AGMO: variants seen among roughly 807,000 people sequenced by gnomAD.
AGMO encodes the protein glyceryl-ether monooxygenase.
A neutral mutation model predicts 60.2 loss-of-function variants in AGMO; 75 were observed. That is an observed-to-expected ratio of 1.25 (90% CI 1.03 to 1.51). The LOEUF (loss-of-function observed/expected upper bound fraction) is 1.51. Among genes scored for constraint, AGMO ranks in the 40% most tolerant of loss-of-function variants. The probability of loss-of-function intolerance (pLI) is 0.00; values close to 1 mark genes in which losing one functional copy is unlikely to be tolerated. For missense variants in AGMO, 763 were observed against 525.5 expected (o/e 1.45, Z -4.42); for synonymous variants, 261 against 177.1 (o/e 1.47, Z -3.76).
chr7:15,277,176 T>C (rs1783822002), intron 12 of AGMO, among the ~76,000 whole-genome samples: 1 of 151,890 alleles, frequency 6.6e-6, no homozygotes, highest in Non-Finnish European at 1.5e-5. Flanking sequence ...GGCATGGTGG[T>C]GGGTGCCTGT....
intron 3 of AGMO, among the ~76,000 whole-genome samples, chr7:15,542,282 G>C (rs1304706563): frequency 6.6e-6 from 1 of 152,134 alleles, no homozygotes; most frequent in Non-Finnish European, 1.5e-5. Flanking sequence ...TGAAGGTTGT[G>C]AATGTTTTTC....
At chr7:15,405,387 G>A (rs997568751) in intron 5 of AGMO, among the ~76,000 whole-genome samples, 3 of 151,812 alleles carry the variant, frequency 2.0e-5, no homozygotes, top group African/African-American at 7.2e-5. Context: ...TGTTCATGAT[G>A]CTCAAAATTT....
chr7:15,552,046 C>G (rs1359385311), intron 2 of AGMO, among the ~76,000 whole-genome samples: 1 of 151,894 alleles, frequency 6.6e-6, no homozygotes, highest in Non-Finnish European at 1.5e-5. Flanking sequence ...CTTTGACAAA[C>G]CTGAGAAAAA....
At chr7:15,454,362 C>CAA (rs1262642339) in intron 3 of AGMO, among the ~76,000 whole-genome samples, 2 of 121,852 alleles carry the variant, frequency 1.6e-5, no homozygotes, top group Non-Finnish European at 3.5e-5. Flanking sequence ...TCTCACCACA[C>CAA]ACACACACAC....
the AGMO span, among the ~76,000 whole-genome samples, chr7:15,123,439 C>A: frequency 6.6e-6 from 1 of 151,734 alleles, no homozygotes; most frequent in African/African-American, 2.4e-5. Flanking sequence ...ATAGAGAAGG[C>A]CCTCAATAAT....
chr7:15,324,889 T>C (rs755900402), intron 12 of AGMO, among the ~76,000 whole-genome samples: 1 of 152,088 alleles, frequency 6.6e-6, no homozygotes, highest in African/African-American at 2.4e-5. Context: ...CCTCCTGCTG[T>C]GTGGTCCGGT....
At chr7:15,413,705 A>G (rs1780677900) in intron 5 of AGMO, among the ~76,000 whole-genome samples, 1 of 152,186 alleles carries the variant, frequency 6.6e-6, no homozygotes, top group South Asian at 2.1e-4. Flanking sequence ...AATATCCATT[A>G]AGAATTTCAT....
At chr7:15,253,473 G>A (rs1459499493) in intron 12 of AGMO, among the ~76,000 whole-genome samples, 5 of 152,114 alleles carry the variant, frequency 3.3e-5, no homozygotes, top group African/African-American at 9.7e-5. Context: ...GGGAAGAAGA[G>A]AATGATTTCT....
At chr7:15,430,475 C>T (rs1253379075) in intron 4 of AGMO, among the ~76,000 whole-genome samples, 1 of 151,470 alleles carries the variant, frequency 6.6e-6, no homozygotes, top group Non-Finnish European at 1.5e-5. Flanking sequence ...TTCTGGTATT[C>T]ATTAATCTTG....
At chr7:15,129,239 G>A in the AGMO span, among the ~76,000 whole-genome samples, 4 of 142,318 alleles carry the variant, frequency 2.8e-5, no homozygotes, top group East Asian at 9.1e-4. Flanking sequence ...TTCCAGGGCT[G>A]GTTGCTACAG....
intron 12 of AGMO, among the ~76,000 whole-genome samples, chr7:15,334,793 G>C (rs529706640): frequency 6.6e-6 from 1 of 152,108 alleles, no homozygotes; most frequent in Non-Finnish European, 1.5e-5. Flanking sequence ...CATCATTAAA[G>C]CTGAATTACA....
the AGMO span, among the ~76,000 whole-genome samples, chr7:15,134,663 A>G: frequency 2.1e-4 from 32 of 152,280 alleles, no homozygotes; most frequent in African/African-American, 7.7e-4. Context: ...GTAGTATCCC[A>G]TGGTTATATG....
At chr7:15,228,328 T>C (rs761761928) in intron 12 of AGMO, among the ~76,000 whole-genome samples, 10 of 152,182 alleles carry the variant, frequency 6.6e-5, no homozygotes, top group Admixed American at 1.3e-4. Context: ...ACATAGGGCA[T>C]AGAACATCTA....
At chr7:15,207,536 C>A (rs576575816) in intron 12 of AGMO, among the ~76,000 whole-genome samples, 1 of 152,164 alleles carries the variant, frequency 6.6e-6, no homozygotes, top group Non-Finnish European at 1.5e-5. Flanking sequence ...TATTTTGATA[C>A]ACATACTCTT....
chr7:15,295,330 A>C (rs974141001), intron 12 of AGMO, among the ~76,000 whole-genome samples: 1 of 152,070 alleles, frequency 6.6e-6, no homozygotes, highest in Non-Finnish European at 1.5e-5. Flanking sequence ...ACAAACTATA[A>C]GGTAAGCAAA....
At chr7:15,267,404 T>G (rs187888063) in intron 12 of AGMO, among the ~76,000 whole-genome samples, 1 of 152,106 alleles carries the variant, frequency 6.6e-6, no homozygotes, top group African/African-American at 2.4e-5. Flanking sequence ...AAAAGTGAGC[T>G]TCTCAAATGA....
chr7:15,422,483 A>T (rs1406455694), intron 4 of AGMO, among the ~76,000 whole-genome samples: 1 of 152,158 alleles, frequency 6.6e-6, no homozygotes, highest in African/African-American at 2.4e-5. Context: ...GTAAGAATGC[A>T]TGTTCACTTG....
intron 3 of AGMO, among the ~76,000 whole-genome samples, chr7:15,436,749 T>C (rs566615673): frequency 2.0e-5 from 3 of 152,286 alleles, no homozygotes; most frequent in Non-Finnish European, 2.9e-5. Flanking sequence ...CTTTCCTCTT[T>C]TGGATTTTGT....
chr7:15,524,718 C>A (rs773869549), intron 3 of AGMO, among the ~76,000 whole-genome samples: 1 of 53,962 alleles, frequency 1.9e-5, no homozygotes, highest in African/African-American at 6.5e-5. Flanking sequence ...CAAAAATTAG[C>A]CAGGCATGGT....
Sources: allele counts gnomAD v4.1 joint callset (sites outside exome capture counted in the v4.1 genomes callset), GRCh38; gene constraint gnomAD v4.1.1; transcripts MANE v1.5; gene names NCBI Gene and HGNC (gene_info 2026-07-23, HGNC 2026-07-21).